GCNA: variants seen among roughly 807,000 people sequenced by gnomAD.
GCNA encodes germ cell nuclear acidic peptidase.
GCNA carries 3 observed loss-of-function variants against 38.8 expected under a neutral mutation model. That is an observed-to-expected ratio of 0.08 (90% confidence interval 0.04 to 0.20). The LOEUF (loss-of-function observed/expected upper bound fraction) is 0.20, where lower values mean the gene tolerates loss of function less well. GCNA is among the 10% of genes least tolerant of loss of function. The pLI is 1.00. For missense variants in GCNA, 446 were observed against 578.6 expected (o/e 0.77, Z 2.35); for synonymous variants, 195 against 240.2 (o/e 0.81, Z 1.74).
chrX:71,612,735 G>A (rs1052924912), intron 12 of GCNA, 127 bp from the exon 13 acceptor site: 6 of 1,044,068 alleles, frequency 5.7e-6, no homozygotes, highest in African/African-American at 3.8e-5. Context: ...CACTGCTGCC[G>A]CTTGGTGCCC....
intron 8 of GCNA, 57 bp from the exon 9 acceptor site, chrX:71,605,606 C>T: frequency 5.7e-6 from 6 of 1,044,409 alleles, no homozygotes; most frequent in Non-Finnish European, 7.9e-6. Flanking sequence ...CTGTTGGTCT[C>T]GTGATGGTAC....
chrX:71,580,839 A>G lies in GCNA; in HGVS notation c.18A>G (p.Lys6=), dbSNP rs956685265. MDGCK[K]ELPRLQEPEE... is the part of the protein sequence containing the mutation. The stretch of plus-strand genomic sequence containing the variant: ...CTACAGACATGGATGGGTGCAAAAA[A>G]GAGCTGCCCCGCTTGCAAGAGCCGG... The change falls in exon 2 of 13, where the codon AAA becomes AAG. Residue 6 remains lysine (K), a synonymous_variant. Coordinates refer to ENST00000373696, the MANE Select transcript of GCNA (RefSeq NM_052957.5). 3 of 1,203,612 alleles carry G rather than the reference A, an allele frequency of 2.5e-6. No homozygotes were observed. The highest frequency in any genetic ancestry group is 2.2e-6 in the Non-Finnish European group (2 of 891,042).
At chrX:71,590,012 C>T (rs1204405481) in intron 2 of GCNA, among the ~76,000 whole-genome samples, 1 of 109,093 alleles carries the variant, frequency 9.2e-6, no homozygotes, top group East Asian at 2.9e-4. Flanking sequence ...TCAAGTAATC[C>T]TCCCGCCTTA....
Position 71,604,424 on chromosome X carries a change from C to T in GCNA, c.1147C>T (p.Pro383Ser). Reference protein sequence around the residue: ...QDLGENLSKPPSDPEANPEVS... With the variant: ...QDLGENLSKPSSDPEANPEVS... ...TCTTGGTGAGAATCTCAGCAAACCACCAAGTGATCCTGAGGCTAACCCTGA... is the reference window on the plus strand; with the variant it reads ...TCTTGGTGAGAATCTCAGCAAACCATCAAGTGATCCTGAGGCTAACCCTGA... The change falls in exon 8 of 13, where the codon CCA becomes TCA. Residue 383 changes from proline to serine, a missense_variant. Coordinates refer to ENST00000373696, the MANE Select transcript of GCNA (RefSeq NM_052957.5). 1 of 1,209,866 alleles carries T rather than the reference C, an allele frequency of 8.3e-7. No homozygotes were observed. The highest frequency in any genetic ancestry group is 1.1e-6 in the Non-Finnish European group (1 of 894,522).
Position 71,580,766 on chromosome X carries a change from G to T in GCNA, c.-2-54G>T, listed in dbSNP as rs112973179. 2.3e-3 allele frequency: 2,613 copies of T among 1,121,480 alleles called. 33 individuals carry two copies. The African/African-American group carries it at 0.038, about 16-fold the overall frequency. 92.4% of individuals were successfully genotyped at this position (1,121,480 alleles called of 1,213,427 possible). ...TGGGATTATAGGCGTGAGCCACTGC[G>T]CCCGGCCGAGTTCTGGCTTTCTTAA... is the stretch of plus-strand genomic sequence containing the variant. On this transcript the variant is annotated intron_variant, in intron 1 of 12. Coordinates refer to ENST00000373696, the MANE Select transcript of GCNA (RefSeq NM_052957.5).
chrX:71,605,590 A>T, intron 8 of GCNA, 73 bp from the exon 9 acceptor site: 1 of 935,205 alleles, frequency 1.1e-6, no homozygotes, highest in Non-Finnish European at 1.5e-6. Flanking sequence ...TTTTGGGTTT[A>T]CCTTTCTGTT....
intron 2 of GCNA, among the ~76,000 whole-genome samples, chrX:71,588,633 C>G (rs1602170000): frequency 1.8e-5 from 2 of 111,262 alleles, no homozygotes; most frequent in Non-Finnish European, 3.8e-5. Context: ...TCAAGACCAG[C>G]CTGGCCAACA....
rs778320015 is a variant in GCNA, at chrX:71,612,867, G to A, written c.1961G>A (p.Gly654Asp). The change falls in exon 13 of 13, where the codon GGC becomes GAC. Residue 654 changes from glycine to aspartate, a missense_variant. By Grantham distance (94) the Gly-to-Asp change is moderately conservative (BLOSUM62 -1). This residue lies in a region of GCNA where 34 missense variants were observed against 33.2 expected (regional missense o/e 1.02). Coordinates refer to ENST00000373696, the MANE Select transcript of GCNA (RefSeq NM_052957.5). ...GTTGTTCCATTCCTTCCCAGGATTGGCTGCTACACCAAATCGTTGGACACC... is the reference window on the plus strand; with the variant it reads ...GTTGTTCCATTCCTTCCCAGGATTGACTGCTACACCAAATCGTTGGACACC... The part of the protein sequence containing the change: ...YECTGCKTRI[G>D]CYTKSLDTSR... The A allele has an allele frequency of 3.3e-6, 4 of 1,208,792 alleles. No individual in the cohort carries two copies. The African/African-American group carries it at 7.0e-5, about 21-fold the overall frequency.
At chrX:71,599,013 T>TTTG (rs930482683) in intron 7 of GCNA, among the ~76,000 whole-genome samples, 1 of 109,388 alleles carries the variant, frequency 9.1e-6, no homozygotes, top group Non-Finnish European at 1.9e-5. Context: ...GCTAATTTTT[T>TTTG]TTGTTGTTGT....
intron 2 of GCNA, among the ~76,000 whole-genome samples, chrX:71,591,569 G>A: frequency 9.9e-6 from 1 of 101,506 alleles, no homozygotes; most frequent in Non-Finnish European, 2.0e-5. Flanking sequence ...ATTTTTGACT[G>A]CAATCTCTTC....
chrX:71,580,754 G>C, intron 1 of GCNA, 66 bp from the exon 2 acceptor site: 2 of 1,062,244 alleles, frequency 1.9e-6, no homozygotes, highest in Non-Finnish European at 2.6e-6. Context: ...GATTATAGGC[G>C]TGAGCCACTG....
chrX:71,610,482 G>A (rs768038452), intron 10 of GCNA, among the ~76,000 whole-genome samples, 199 bp from the exon 11 acceptor site: 7 of 111,737 alleles, frequency 6.3e-5, no homozygotes, highest in Admixed American at 2.8e-4. Context: ...GTGTGGTGGC[G>A]CATGCCTGTA....
intron 7 of GCNA, among the ~76,000 whole-genome samples, chrX:71,601,962 G>A (rs967515943): frequency 1.8e-5 from 2 of 111,878 alleles, no homozygotes; most frequent in African/African-American, 3.3e-5. Flanking sequence ...CTTTCTTTCG[G>A]GTATATACGC....
At chrX:71,605,271 G>A (rs1245107404) in intron 8 of GCNA, among the ~76,000 whole-genome samples, 1 of 112,841 alleles carries the variant, frequency 8.9e-6, no homozygotes, top group Non-Finnish European at 1.9e-5. Context: ...GGCAGGATCT[G>A]CCTTGCCCTG....
At chrX:71,593,147 G>A (rs2147717910) in intron 4 of GCNA, among the ~76,000 whole-genome samples, 1 of 111,946 alleles carries the variant, frequency 8.9e-6, no homozygotes, top group African/African-American at 3.2e-5. Flanking sequence ...ACCTGCCTTG[G>A]CCTCCCAAAG....
chrX:71,579,717 G>A (rs1314507705), intron 1 of GCNA, among the ~76,000 whole-genome samples: 2 of 106,956 alleles, frequency 1.9e-5, no homozygotes, highest in African/African-American at 6.9e-5. Context: ...GTGGGGGAGT[G>A]GAAGCCTGCT....
At chrX:71,610,461 A>G (rs772968084) in intron 10 of GCNA, among the ~76,000 whole-genome samples, 1 of 111,457 alleles carries the variant, frequency 9.0e-6, no homozygotes, top group Non-Finnish European at 1.9e-5. Flanking sequence ...TAAATACGAA[A>G]AATTAGCTGG....
At chrX:71,583,219 G>A (rs1359125218) in intron 2 of GCNA, among the ~76,000 whole-genome samples, 1 of 112,487 alleles carries the variant, frequency 8.9e-6, no homozygotes, top group Non-Finnish European at 1.9e-5. Flanking sequence ...AAGATACATT[G>A]TCTCCGGGAA....
Position 71,604,134 on chromosome X carries a change from A to G in GCNA, c.857A>G (p.Asp286Gly), listed in dbSNP as rs1193946787. 10 of 1,204,432 alleles carry G rather than the reference A, an allele frequency of 8.3e-6. No individual in the cohort carries two copies. The highest frequency in any genetic ancestry group is 1.1e-5 in the Non-Finnish European group (10 of 893,279). ...AGCAGTGATGATTCGGAAGCTTCCG[A>G]CGACAGCAGTGATGATTCGGAAGCT... ...DDSSDDSEAS[D>G]DSSDDSEASD... Residue 286 changes from aspartate (D) to glycine (G), a missense_variant, in exon 8 of 13, where the codon GAC (aspartate) becomes GGC (glycine). Around this residue, in one of 7 missense-constraint regions of GCNA, gnomAD observed 28 missense variants for 77.0 expected, o/e 0.36. Coordinates refer to ENST00000373696, the MANE Select transcript of GCNA (RefSeq NM_052957.5).
Sources: allele counts gnomAD v4.1 joint callset (sites outside exome capture counted in the v4.1 genomes callset), GRCh38; gene constraint gnomAD v4.1.1; regional missense constraint gnomAD v4.1.1; transcripts MANE v1.5; gene names NCBI Gene and HGNC (gene_info 2026-07-23, HGNC 2026-07-21).